Variants in ZNF257 observed in about 807,000 individuals in gnomAD.
ZNF257 encodes bone marrow zinc finger 4.
A neutral mutation model predicts 11.9 loss-of-function variants in ZNF257; 12 were observed. The observed-to-expected ratio is 1.01, with a 90% confidence interval of 0.65 to 1.63. ZNF257 has a LOEUF of 1.63. Among genes scored for constraint, ZNF257 ranks in the 40% most tolerant of loss-of-function variants. ZNF257 has a pLI of 0.00. For missense variants in ZNF257, 580 were observed against 665.5 expected, an observed-to-expected ratio of 0.87 and a Z score of 1.41; for synonymous variants, 183 against 222.7, an observed-to-expected ratio of 0.82 and a Z score of 1.59.
intron 3 of ZNF257, among the ~76,000 whole-genome samples, chr19:22,081,120 A>G (rs1599672141): frequency 1.3e-5 from 2 of 151,632 alleles, no homozygotes; most frequent in African/African-American, 2.4e-5. Flanking sequence ...CTCGTCATCC[A>G]CCTGCCTCGG....
chr19:22,065,960 A>G (rs920447808), intron 1 of ZNF257: 2 of 152,192 alleles, frequency 1.3e-5, no homozygotes, highest in Non-Finnish European at 2.9e-5. Flanking sequence ...CTTTCTTTAT[A>G]ATGCTCATGT....
chr19:22,090,431 A>AT lies in ZNF257; in HGVS notation c.*995dup, dbSNP rs1019708025. On this transcript the variant is annotated 3_prime_UTR_variant, in exon 4 of 4. Coordinates refer to ENST00000594947, the MANE Select transcript of ZNF257 (RefSeq NM_033468.4). ...GCAAGTGTGATTAATTTGGAAAAACATTTTTTCCATAACTATAGCTTAGAA... is the reference window on the plus strand; with the variant it reads ...GCAAGTGTGATTAATTTGGAAAAACATTTTTTTCCATAACTATAGCTTAGAA... The AT allele has an allele frequency of 1.3e-5, 2 of 152,110 alleles. No individual in the cohort carries two copies. Among genetic ancestry groups the AT allele is most frequent in the Non-Finnish European group, 2.9e-5 (2 of 68,008 alleles). The allele number at this position is 152,110 out of a possible 1,614,324, so 9.4% of individuals were successfully genotyped here.
chr19:22,070,992 ATTG>A (rs1365030925), intron 1 of ZNF257, among the ~76,000 whole-genome samples: 3 of 152,068 alleles, frequency 2.0e-5, no homozygotes, highest in Non-Finnish European at 4.4e-5. Flanking sequence ...GGTTTTGTTT[ATTG>A]TTTTAGGTGG....
At position 22,083,364 on chromosome 19, in the gene ZNF257, A is replaced by G. The variant is rs1050648037; in HGVS notation, c.227-4613A>G. Among the ~76,000 whole-genome samples the G allele has an allele frequency of 8.5e-5, 13 of 152,160 alleles. 1 individual carries two copies. The highest frequency in any genetic ancestry group is 3.4e-3 in the Middle Eastern group (1 of 294). ...GTGGGCGCCTGTAATCCAGCTACTC[A>G]GGAAGCCGAGACAGGAGAATTGCTT... On this transcript the variant is annotated intron_variant, in intron 3 of 3. Transcript: ENST00000594947.
rs1311314990 is a variant in ZNF257 at position 22,088,442 on chromosome 19, G to A, written c.692G>A (p.Cys231Tyr). The change falls in exon 4 of 4, where the codon TGT becomes TAT. Residue 231 changes from cysteine (C) to tyrosine (Y), a missense_variant. Cys to Tyr is a radical substitution (Grantham distance 194). Transcript: ENST00000594947. ...CATACTGGAGAGAAACCCTACAAAT[G>A]TGAAGAGTGTGGAAAAGCTTTTAAC... ...MTHTGEKPYK[C>Y]EECGKAFNRS... The A allele has an allele frequency of 5.6e-6, 9 of 1,613,542 alleles. No homozygotes were observed. The highest frequency in any genetic ancestry group is 2.7e-5 in the African/African-American group (2 of 74,794).
chr19:22,052,547 C>T lies in ZNF257; in HGVS notation c.-86C>T, dbSNP rs1391268741. The stretch of plus-strand genomic sequence containing the variant: ...CTTCCCTGGTCTGTGTCCTCTTCTC[C>T]TAGGGGCCCAGCCTCTGTGGCCCTG... On this transcript the variant is annotated 5_prime_UTR_variant, in exon 1 of 4. Coordinates refer to ENST00000594947, the MANE Select transcript of ZNF257 (RefSeq NM_033468.4). The T allele has an allele frequency of 5.2e-6, 8 of 1,529,038 alleles. No individual in the cohort carries two copies. Among genetic ancestry groups the T allele is most frequent in the African/African-American group, 2.7e-5 (2 of 72,792 alleles). The allele number at this position is 1,529,038 out of a possible 1,614,324, so 94.7% of individuals were successfully genotyped here. A position where few individuals can be genotyped will look rare whatever the true frequency, so the allele number is the denominator to read the frequency against.
chr19:22,073,708 T>G, intron 3 of ZNF257, 144 bp downstream of exon 3: 1 of 1,107,866 alleles, frequency 9.0e-7, no homozygotes, highest in Non-Finnish European at 1.3e-6. Context: ...CATTTTTTTT[T>G]TCTTTGCTCT....
At chr19:22,086,155 T>C (rs560039241) in intron 3 of ZNF257, among the ~76,000 whole-genome samples, 1 of 152,228 alleles carries the variant, frequency 6.6e-6, no homozygotes, top group South Asian at 2.1e-4. Flanking sequence ...ATTGTGTCTG[T>C]TTCATTTTAG....
chr19:22,077,946 G>C (rs751004840), intron 3 of ZNF257, among the ~76,000 whole-genome samples: 2 of 151,690 alleles, frequency 1.3e-5, no homozygotes, highest in South Asian at 2.1e-4. Context: ...AAAAATTATA[G>C]TGGCCATTCT....
chr19:22,077,456 C>T (rs1053869284), intron 3 of ZNF257, among the ~76,000 whole-genome samples: 1 of 152,044 alleles, frequency 6.6e-6, no homozygotes, highest in Non-Finnish European at 1.5e-5. Flanking sequence ...TCTCTCCAGC[C>T]CTCAACAAAC....
intron 3 of ZNF257, among the ~76,000 whole-genome samples, chr19:22,083,194 G>A (rs1028697799): frequency 1.3e-5 from 2 of 152,140 alleles, no homozygotes; most frequent in African/African-American, 2.4e-5. Context: ...TACCGACAGG[G>A]TGTGGTGGCT....
intron 1 of ZNF257, among the ~76,000 whole-genome samples, chr19:22,059,866 T>G (rs758296751): frequency 2.7e-5 from 4 of 150,578 alleles, no homozygotes; most frequent in Non-Finnish European, 5.9e-5. Context: ...GGGACTATAG[T>G]CACATGCCAC....
chr19:22,089,628 T>C lies in ZNF257; in HGVS notation c.*186T>C, dbSNP rs772546481. 4.3e-5 allele frequency: 61 copies of C among 1,404,750 alleles called. No individual in the cohort carries two copies. In the African/African-American group the frequency reaches 8.0e-4, roughly 18 times the overall value. The allele number at this position is 1,404,750 out of a possible 1,614,324, so 87.0% of individuals were successfully genotyped here. A position where few individuals can be genotyped will look rare whatever the true frequency, so the allele number is the denominator to read the frequency against. ...TCATGCTGGAGAGAAACTCTTGAAA[T>C]GTGATGAATGTGGCATAGCCTCTTC... On this transcript the variant is annotated 3_prime_UTR_variant, in exon 4 of 4. Transcript: ENST00000594947.
Position 22,088,280 on chromosome 19 carries a change from A to G in ZNF257, c.530A>G (p.Glu177Gly). Residue 177 changes from glutamate (E) to glycine (G), a missense_variant, in exon 4 of 4, where the codon GAA (glutamate) becomes GGA (glycine). Transcript: ENST00000594947. ...HTEKKTCKCK[E>G]CGKSFCMLSQ... The stretch of plus-strand genomic sequence containing the variant: ...GAAAAGAAAACTTGCAAATGTAAAG[A>G]ATGTGGCAAATCATTTTGCATGCTT... The G allele has an allele frequency of 6.2e-7, 1 of 1,613,668 alleles. No individual in the cohort carries two copies. Among genetic ancestry groups the G allele is most frequent in the Non-Finnish European group, 8.5e-7 (1 of 1,179,780 alleles).
At position 22,060,825 on chromosome 19, in the gene ZNF257, CT is replaced by C. The variant is rs377603540; in HGVS notation, c.3+8191del. On this transcript the variant is annotated intron_variant, in intron 1 of 3. Coordinates refer to ENST00000594947, the MANE Select transcript of ZNF257 (RefSeq NM_033468.4). ...TTTATATATGGTGTAAGAAAGGGGT[CT>C]AGTTTCAGTCTTCTACATAGTGCTA... Among the ~76,000 whole-genome samples the C allele has an allele frequency of 2.8e-3, 432 of 152,212 alleles. 1 individual carries two copies. Among genetic ancestry groups the C allele is most frequent in the Admixed American group, 4.8e-3 (74 of 15,280 alleles).
chr19:22,055,588 T>G (rs1271954433), intron 1 of ZNF257, among the ~76,000 whole-genome samples: 1 of 152,064 alleles, frequency 6.6e-6, no homozygotes, highest in East Asian at 1.9e-4. Context: ...CAAAATAAAA[T>G]GATCCTGGGC....
At chr19:22,056,463 A>G (rs995691675) in intron 1 of ZNF257, among the ~76,000 whole-genome samples, 4 of 149,512 alleles carry the variant, frequency 2.7e-5, no homozygotes, top group African/African-American at 9.9e-5. Context: ...TTTCTTTTCC[A>G]GAGTGAATTT....
chr19:22,054,024 TTAA>T (rs1312734178), intron 1 of ZNF257, among the ~76,000 whole-genome samples: 4 of 151,948 alleles, frequency 2.6e-5, no homozygotes, highest in Non-Finnish European at 5.9e-5. Context: ...TGCCTGCCAC[TTAA>T]TTATTTTCAC....
intron 1 of ZNF257, 127 bp downstream of exon 1, chr19:22,052,762 G>C: frequency 2.5e-6 from 3 of 1,189,926 alleles, no homozygotes; most frequent in Non-Finnish European, 3.6e-6. Context: ...GTTTTCCTTG[G>C]CCAGCTCGGC....
Sources: gnomAD v4.1 joint callset for allele counts (sites outside exome capture counted in the v4.1 genomes callset) on GRCh38, gnomAD v4.1.1 for gene constraint, MANE v1.5 for transcripts, NCBI Gene and HGNC (gene_info 2026-07-23, HGNC 2026-07-21) for gene names.